The following EIF4ENIF1 variants were observed in gnomAD, a reference collection of about 807,000 sequenced individuals.
EIF4ENIF1 encodes eukaryotic translation initiation factor 4E transporter.
EIF4ENIF1 carries 23 observed loss-of-function variants against 110.5 expected under a neutral mutation model. The ratio of observed to expected loss-of-function variants is 0.21; its 90% CI spans 0.15 to 0.29. The LOEUF (loss-of-function observed/expected upper bound fraction) is 0.29, where lower values mean the gene tolerates loss of function less well. EIF4ENIF1 is among the 10% of genes least tolerant of loss of function. The probability of loss-of-function intolerance (pLI) is 1.00; values close to 1 mark genes in which losing one functional copy is unlikely to be tolerated. For synonymous variants in EIF4ENIF1, 440 were observed against 437.0 expected (o/e 1.01, Z -0.09); for missense variants, 1,031 against 1,221.1 (o/e 0.84, Z 2.32).
At chr22:31,454,098 G>GA (rs747654808) in intron 10 of EIF4ENIF1, 46 bp downstream of exon 10, 1,296 of 1,499,876 alleles carry the variant, frequency 8.6e-4, no homozygotes, top group Non-Finnish European at 1.0e-3. Context: ...GGAAAAAGAA[G>GA]AAAAAAAAAG....
chr22:31,491,324 C>T (rs2052273534), upstream of EIF4ENIF1, among the ~76,000 whole-genome samples: 1 of 152,068 alleles, frequency 6.6e-6, no homozygotes, highest in Non-Finnish European at 1.5e-5. Flanking sequence ...TTTTGGAATC[C>T]AAATTCTTCC....
At chr22:31,455,516 A>G (rs1170049522) in intron 8 of EIF4ENIF1, among the ~76,000 whole-genome samples, 5 of 150,772 alleles carry the variant, frequency 3.3e-5, no homozygotes, top group African/African-American at 1.2e-4. Flanking sequence ...CTCCTGCCTC[A>G]GCCTCCTGAG....
At chr22:31,453,180 T>C (rs1346872110) in intron 10 of EIF4ENIF1, among the ~76,000 whole-genome samples, 2 of 152,196 alleles carry the variant, frequency 1.3e-5, no homozygotes, top group Non-Finnish European at 2.9e-5. Context: ...ACATAGGCTA[T>C]GGGTAAGAAC....
chr22:31,452,110 T>A (rs1215653930), intron 10 of EIF4ENIF1, among the ~76,000 whole-genome samples: 1 of 152,216 alleles, frequency 6.6e-6, no homozygotes, highest in Admixed American at 6.5e-5. Context: ...ATAGAATCTA[T>A]AATTTAAAAC....
chr22:31,478,748 G>C (rs1268534444), intron 2 of EIF4ENIF1, among the ~76,000 whole-genome samples: 1 of 151,376 alleles, frequency 6.6e-6, no homozygotes, highest in Non-Finnish European at 1.5e-5. Context: ...TCAGGAGATC[G>C]AGACCATCCT....
intron 3 of EIF4ENIF1, among the ~76,000 whole-genome samples, chr22:31,468,984 C>T (rs778880845): frequency 6.6e-6 from 1 of 152,194 alleles, no homozygotes; most frequent in Non-Finnish European, 1.5e-5. Flanking sequence ...AGTCCCTTAA[C>T]TCTCTCACCA....
At chr22:31,478,019 T>G (rs1160702211) in intron 2 of EIF4ENIF1, among the ~76,000 whole-genome samples, 3 of 152,194 alleles carry the variant, frequency 2.0e-5, no homozygotes, top group African/African-American at 7.2e-5. Flanking sequence ...AGGTTAAAAA[T>G]TATTGCTTCC....
At chr22:31,467,271 G>T (rs2051221881) in intron 4 of EIF4ENIF1, among the ~76,000 whole-genome samples, 1 of 152,046 alleles carries the variant, frequency 6.6e-6, no homozygotes, top group African/African-American at 2.4e-5. Context: ...GTGTAGAAGG[G>T]TCTTATAGCT....
chr22:31,470,525 C>T (rs990045153), intron 3 of EIF4ENIF1, among the ~76,000 whole-genome samples: 14 of 152,136 alleles, frequency 9.2e-5, no homozygotes, highest in African/African-American at 1.4e-4. Flanking sequence ...GTGATCTGCC[C>T]GCCCTGGCCT....
At position 31,448,197 on chromosome 22, in the gene EIF4ENIF1, G is replaced by T; in HGVS notation, c.1804C>A (p.Pro602Thr). Residue 602 changes from proline (P) to threonine (T), a missense_variant, in exon 13 of 19, where the codon CCA (proline) becomes ACA (threonine). Around this residue, in one of 3 missense-constraint regions of EIF4ENIF1, gnomAD observed 704 missense variants for 879.7 expected, o/e 0.80. Transcript: ENST00000330125. ...TPGPQQLLGDPFQGMRKPMSP... is the reference protein window; with the variant it reads ...TPGPQQLLGDTFQGMRKPMSP... ...ATGGGTTTGCGCATGCCTTGGAATGGATCTCCGAGTAGCTGCTGTGGTCCT... is the reference window on the plus strand; with the variant it reads ...ATGGGTTTGCGCATGCCTTGGAATGTATCTCCGAGTAGCTGCTGTGGTCCT... 6.2e-7 allele frequency: 1 copy of T among 1,614,196 alleles called. No individual in the cohort carries two copies. The highest frequency in any genetic ancestry group is 1.1e-5 in the South Asian group (1 of 91,084).
intron 6 of EIF4ENIF1, 120 bp downstream of exon 6, chr22:31,462,812 A>AC: frequency 1.0e-6 from 1 of 994,320 alleles, no homozygotes; most frequent in East Asian, 2.6e-5. Flanking sequence ...CAAACTCCTG[A>AC]CCTCAGGTGA....
In EIF4ENIF1 at chr22:31,453,766, T is replaced by C. The variant is rs2050742624; in HGVS notation, c.1512+378A>G. Among the ~76,000 whole-genome samples, 3 of 152,158 alleles carry C rather than the reference T, an allele frequency of 2.0e-5. No homozygotes were observed. The South Asian group carries it at 6.2e-4, about 32-fold the overall frequency. On this transcript the variant is annotated intron_variant, in intron 10 of 18. Coordinates refer to ENST00000330125, the MANE Select transcript of EIF4ENIF1 (RefSeq NM_019843.4). ...TAATTAGAAGATGTGAATAAAGATT[T>C]TACTATACAAATATGGTAAAGAATA... is the stretch of plus-strand genomic sequence containing the variant.
intron 2 of EIF4ENIF1, among the ~76,000 whole-genome samples, chr22:31,486,766 G>A (rs987626340): frequency 3.3e-5 from 5 of 151,628 alleles, no homozygotes; most frequent in African/African-American, 4.9e-5. Context: ...GCGAGACTCC[G>A]TCTCAAAGAA....
At position 31,439,921 on chromosome 22, in the gene EIF4ENIF1, C is replaced by T. The variant is rs761574476; in HGVS notation, c.2917G>A (p.Ala973Thr). ...VLQQPLPSMP[A>T]KVISVDELEY... is the part of the protein sequence containing the mutation. ...AATTCATCTACACTGATAACTTTGGCGGGCATGGAGGGCAGGGGTTGCTGT... is the reference window on the plus strand; with the variant it reads ...AATTCATCTACACTGATAACTTTGGTGGGCATGGAGGGCAGGGGTTGCTGT... Residue 973 changes from alanine to threonine, a missense_variant, in exon 19 of 19, where the codon GCC becomes ACC. Around this residue, in one of 3 missense-constraint regions of EIF4ENIF1, gnomAD observed 18 missense variants for 42.3 expected, o/e 0.43. Coordinates refer to ENST00000330125, the MANE Select transcript of EIF4ENIF1 (RefSeq NM_019843.4). 8.7e-6 allele frequency: 14 copies of T among 1,613,886 alleles called. No individual in the cohort carries two copies. The highest frequency in any genetic ancestry group is 1.1e-5 in the South Asian group (1 of 91,090).
chr22:31,467,348 C>CA (rs1377914236), intron 4 of EIF4ENIF1, among the ~76,000 whole-genome samples: 2 of 152,034 alleles, frequency 1.3e-5, no homozygotes, highest in Admixed American at 1.3e-4. Context: ...CCTCTCATCT[C>CA]AAAAAAAGTT....
chr22:31,486,609 T>TC (rs2052039280), intron 2 of EIF4ENIF1, among the ~76,000 whole-genome samples: 2 of 148,496 alleles, frequency 1.3e-5, no homozygotes, highest in Admixed American at 1.4e-4. Context: ...CAAGATCCCG[T>TC]CTCCACTAAA....
intron 6 of EIF4ENIF1, 97 bp from the exon 7 acceptor site, chr22:31,458,747 C>T: frequency 8.6e-7 from 1 of 1,164,686 alleles, no homozygotes; most frequent in Non-Finnish European, 1.2e-6. Flanking sequence ...AAGAGCCACA[C>T]ATGACTTAAA....
intron 13 of EIF4ENIF1, 24 bp downstream of exon 13, chr22:31,448,129 G>T: frequency 6.2e-7 from 1 of 1,612,864 alleles, no homozygotes; most frequent in South Asian, 1.1e-5. Flanking sequence ...GCAAGAGATT[G>T]AGTTTGAGAA....
intron 2 of EIF4ENIF1, among the ~76,000 whole-genome samples, chr22:31,483,300 A>C (rs1023046742): frequency 2.0e-5 from 3 of 149,944 alleles, no homozygotes; most frequent in African/African-American, 7.4e-5. Flanking sequence ...TGCAGCCTCA[A>C]ACGATTCTCT....
Sources: gnomAD v4.1 joint callset for allele counts (sites outside exome capture counted in the v4.1 genomes callset) on GRCh38, gnomAD v4.1.1 for gene constraint, gnomAD v4.1.1 regional missense constraint, MANE v1.5 for transcripts, NCBI Gene and HGNC (gene_info 2026-07-23, HGNC 2026-07-21) for gene names.